The following BNC2 variants were observed in gnomAD, a reference collection of about 807,000 sequenced individuals.
The protein encoded by BNC2 is zinc finger protein basonuclin-2.
A neutral mutation model predicts 76.3 loss-of-function variants in BNC2; 20 were observed. The ratio of observed to expected loss-of-function variants is 0.26; its 90% CI spans 0.18 to 0.38. The LOEUF is 0.38. Ranked by LOEUF, BNC2 falls within the 10% of genes least tolerant of loss-of-function variation. BNC2 has a pLI of 1.00. For synonymous variants in BNC2, 582 were observed against 514.8 expected (o/e 1.13, Z -1.77); for missense variants, 1,382 against 1,399.8 (o/e 0.99, Z 0.20).
chr9:16,659,464 T>C (rs1822039739), intron 3 of BNC2, among the ~76,000 whole-genome samples: 1 of 151,914 alleles, frequency 6.6e-6, no homozygotes, highest in Non-Finnish European at 1.5e-5. Context: ...AAAAATTAGC[T>C]GTGTGTGGTG....
At chr9:16,541,449 T>C (rs1015533240) in intron 5 of BNC2, among the ~76,000 whole-genome samples, 1 of 152,148 alleles carries the variant, frequency 6.6e-6, no homozygotes, top group African/African-American at 2.4e-5. Flanking sequence ...TTCCCTCACA[T>C]GTCAATACGT....
At chr9:16,845,347 T>C (rs1233016236) in intron 1 of BNC2, among the ~76,000 whole-genome samples, 1 of 152,230 alleles carries the variant, frequency 6.6e-6, no homozygotes, top group African/African-American at 2.4e-5. Context: ...AGAAGTCACA[T>C]GGCCTAGACC....
At chr9:16,589,230 G>T (rs1373149574) in intron 3 of BNC2, among the ~76,000 whole-genome samples, 1 of 152,088 alleles carries the variant, frequency 6.6e-6, no homozygotes, top group Non-Finnish European at 1.5e-5. Context: ...CTGTTACCGA[G>T]GCTGGAGTGC....
intron 3 of BNC2, among the ~76,000 whole-genome samples, chr9:16,712,594 G>A (rs1033112344): frequency 6.6e-6 from 1 of 152,132 alleles, no homozygotes; most frequent in Non-Finnish European, 1.5e-5. Flanking sequence ...AAGTATTTTC[G>A]TGGAAGCAAA....
chr9:16,469,989 ATTCT>A (rs1391506235), intron 5 of BNC2, among the ~76,000 whole-genome samples: 1 of 128,322 alleles, frequency 7.8e-6, no homozygotes, highest in Non-Finnish European at 1.6e-5. Context: ...TGCTAATGGC[ATTCT>A]TTTTTTTTTT....
intron 3 of BNC2, among the ~76,000 whole-genome samples, chr9:16,652,796 C>T (rs1052075919): frequency 2.6e-5 from 4 of 152,136 alleles, no homozygotes; most frequent in African/African-American, 4.8e-5. Context: ...GGGAGAAAGG[C>T]ATCCTCCCTG....
chr9:16,713,445 CTTTTTTTTTTTT>C (rs34090221), intron 3 of BNC2, among the ~76,000 whole-genome samples: 1 of 128,216 alleles, frequency 7.8e-6, no homozygotes, highest in Non-Finnish European at 1.6e-5. Flanking sequence ...GGAAAAGGCA[CTTTTTTTTTTTT>C]TTTTTTTTTT....
At chr9:16,463,435 T>C (rs1226161225) in intron 5 of BNC2, among the ~76,000 whole-genome samples, 1 of 145,494 alleles carries the variant, frequency 6.9e-6, no homozygotes, top group Non-Finnish European at 1.5e-5. Flanking sequence ...TAGCTGGGAC[T>C]ACAGGCGCCC....
intron 5 of BNC2, among the ~76,000 whole-genome samples, chr9:16,549,711 T>C (rs530554902): frequency 6.6e-6 from 1 of 152,346 alleles, no homozygotes; most frequent in South Asian, 2.1e-4. Flanking sequence ...ACAAAGCATT[T>C]TCTCACTACA....
chr9:16,727,673 A>T, intron 3 of BNC2, 124 bp downstream of exon 3: 1 of 798,452 alleles, frequency 1.3e-6, no homozygotes, highest in Non-Finnish European at 2.0e-6. Context: ...ACAAGAGCCT[A>T]ACTAGGAAGT....
chr9:16,662,541 G>A (rs1445078690), intron 3 of BNC2, among the ~76,000 whole-genome samples: 2 of 152,130 alleles, frequency 1.3e-5, no homozygotes, highest in Non-Finnish European at 2.9e-5. Flanking sequence ...TTCAAGGCCA[G>A]CCTGGCCAAT....
At chr9:16,671,768 G>C (rs551242281) in intron 3 of BNC2, among the ~76,000 whole-genome samples, 1 of 152,198 alleles carries the variant, frequency 6.6e-6, no homozygotes, top group Non-Finnish European at 1.5e-5. Flanking sequence ...CTGAACTCCA[G>C]TCAGCAGATC....
intron 5 of BNC2, among the ~76,000 whole-genome samples, chr9:16,514,490 A>AT (rs200978023): frequency 1.5e-4 from 22 of 147,448 alleles, no homozygotes; most frequent in Non-Finnish European, 2.4e-4. Flanking sequence ...AATTGTTTAG[A>AT]TTTTTTTTTA....
chr9:16,478,681 A>T (rs1247414846), intron 5 of BNC2, among the ~76,000 whole-genome samples: 2 of 152,150 alleles, frequency 1.3e-5, no homozygotes, highest in African/African-American at 4.8e-5. Flanking sequence ...GTAAGTGTAG[A>T]TCACAGAATG....
At chr9:16,588,302 T>G (rs1819828815) in intron 3 of BNC2, among the ~76,000 whole-genome samples, 2 of 152,244 alleles carry the variant, frequency 1.3e-5, no homozygotes, top group South Asian at 4.1e-4. Flanking sequence ...TCCCAATGTA[T>G]TGTTTTACTC....
rs1404179093 is a variant in BNC2, at chr9:16,412,188, A to C, written c.*6801T>G. 6.6e-6 allele frequency: 1 copy of C among 152,656 alleles called. No individual in the cohort carries two copies. The highest frequency in any genetic ancestry group is 1.5e-5 in the Non-Finnish European group (1 of 68,044). 9.5% of individuals were successfully genotyped at this position (152,656 alleles called of 1,614,324 possible). On this transcript the variant is annotated 3_prime_UTR_variant, in exon 7 of 7. Transcript: ENST00000380672. Reference sequence around the variant, plus strand: ...GGGTGGTCCTTGTTTTAACGATTAAAGTCAAAAGCCTGACGCCATCTTTTT... The same window carrying C: ...GGGTGGTCCTTGTTTTAACGATTAACGTCAAAAGCCTGACGCCATCTTTTT...
chr9:16,584,772 T>C (rs1819724399), intron 3 of BNC2, among the ~76,000 whole-genome samples: 1 of 152,176 alleles, frequency 6.6e-6, no homozygotes, highest in Admixed American at 6.5e-5. Flanking sequence ...TTTATTTAAA[T>C]AACATGTTCA....
At chr9:16,680,433 G>A (rs1370122623) in intron 3 of BNC2, among the ~76,000 whole-genome samples, 1 of 151,914 alleles carries the variant, frequency 6.6e-6, no homozygotes, top group South Asian at 2.1e-4. Flanking sequence ...CATAATCACA[G>A]GTAGCTAAGA....
At chr9:16,755,585 G>A (rs1586857970) in intron 1 of BNC2, among the ~76,000 whole-genome samples, 1 of 151,938 alleles carries the variant, frequency 6.6e-6, no homozygotes, top group East Asian at 1.9e-4. Flanking sequence ...AAGCTACCCA[G>A]TACATTCCCA....
Sources: allele counts gnomAD v4.1 joint callset (sites outside exome capture counted in the v4.1 genomes callset), GRCh38; gene constraint gnomAD v4.1.1; transcripts MANE v1.5; gene names NCBI Gene and HGNC (gene_info 2026-07-23, HGNC 2026-07-21).